The following ZFPM1 variants were observed in gnomAD, a reference collection of about 807,000 sequenced individuals.
ZFPM1 encodes zinc finger protein ZFPM1.
ZFPM1 carries 28 observed loss-of-function variants against 46.3 expected under a neutral mutation model. The ratio of observed to expected loss-of-function variants is 0.60; its 90% CI spans 0.45 to 0.83. The LOEUF is 0.83. Among genes scored for constraint, ZFPM1 ranks in the 40% least tolerant of loss-of-function variants. ZFPM1 has a pLI of 0.00. For missense variants in ZFPM1, 1,878 were observed against 1,432.4 expected (o/e 1.31, Z -5.02); for synonymous variants, 957 against 675.9 (o/e 1.42, Z -6.45).
chr16:88,527,575 G>A (rs1011531393), intron 5 of ZFPM1, among the ~76,000 whole-genome samples: 19 of 152,176 alleles, frequency 1.2e-4, no homozygotes, highest in African/African-American at 4.3e-4. Context: ...CAGCCCGGGC[G>A]CCCCAGGTGA....
Position 88,480,768 on chromosome 16 carries a change from C to T in ZFPM1, c.41-5171C>T, listed in dbSNP as rs996668590. Among the ~76,000 whole-genome samples, 5 of 152,214 alleles carry T rather than the reference C, an allele frequency of 3.3e-5. No homozygotes were observed. The highest frequency in any genetic ancestry group is 5.9e-5 in the Non-Finnish European group (4 of 68,034). On this transcript the variant is annotated intron_variant, in intron 1 of 9. Coordinates refer to ENST00000319555, the MANE Select transcript of ZFPM1 (RefSeq NM_153813.3). The surrounding 1 kb of genome is among the most constrained non-coding windows in gnomAD (Gnocchi z 4.9). ...GGGCCTCAGACTCCTCATCCACAGCCCCCATCTGCGCCCCACCTGGCATGT... is the reference window on the plus strand; with the variant it reads ...GGGCCTCAGACTCCTCATCCACAGCTCCCATCTGCGCCCCACCTGGCATGT...
chr16:88,501,917 G>T (rs1910366203), intron 3 of ZFPM1, among the ~76,000 whole-genome samples: 1 of 152,108 alleles, frequency 6.6e-6, no homozygotes, highest in African/African-American at 2.4e-5. Context: ...AGCAAACTGA[G>T]GCCCAGTGAG....
chr16:88,526,116 C>T (rs1351554262), intron 4 of ZFPM1, among the ~76,000 whole-genome samples: 1 of 152,220 alleles, frequency 6.6e-6, no homozygotes, highest in East Asian at 1.9e-4. Flanking sequence ...CAGGAAGGGG[C>T]CTGACCAGCC....
chr16:88,489,805 C>T (rs1909456026), intron 3 of ZFPM1, among the ~76,000 whole-genome samples: 1 of 152,208 alleles, frequency 6.6e-6, no homozygotes, highest in Non-Finnish European at 1.5e-5. Flanking sequence ...TTTATGAACG[C>T]AGGAAATACT....
At chr16:88,493,302 G>A (rs1220512563) in intron 3 of ZFPM1, among the ~76,000 whole-genome samples, 5 of 145,938 alleles carry the variant, frequency 3.4e-5, no homozygotes, top group African/African-American at 5.1e-5. Flanking sequence ...CCGGGGTGGA[G>A]AAAGCTGTCC....
intron 4 of ZFPM1, among the ~76,000 whole-genome samples, chr16:88,523,588 G>T (rs1215684631): frequency 1.3e-5 from 2 of 152,242 alleles, no homozygotes; most frequent in Non-Finnish European, 2.9e-5. Context: ...AGGCGAGGCT[G>T]TGCTCACCTG....
At chr16:88,500,076 G>C (rs1401991646) in intron 3 of ZFPM1, among the ~76,000 whole-genome samples, 3 of 152,204 alleles carry the variant, frequency 2.0e-5, no homozygotes, top group Admixed American at 2.0e-4. Flanking sequence ...GGCCGCAGGC[G>C]CTAATCAAGC....
chr16:88,467,586 A>C (rs1251750028), intron 1 of ZFPM1, among the ~76,000 whole-genome samples: 1 of 152,224 alleles, frequency 6.6e-6, no homozygotes, highest in Non-Finnish European at 1.5e-5. Flanking sequence ...TGCAGGGCAC[A>C]TGCGCAGCTG....
chr16:88,501,113 G>C (rs573840577), intron 3 of ZFPM1, among the ~76,000 whole-genome samples: 1 of 143,102 alleles, frequency 7.0e-6, no homozygotes, highest in South Asian at 2.1e-4. Flanking sequence ...TGATGATGGA[G>C]ATAGCAGACA....
rs377486286 is a variant in ZFPM1, at chr16:88,468,718, CA to C, written c.40+15041del. 5.4e-3 allele frequency among the ~76,000 whole-genome samples: 815 copies of C among 152,212 alleles called. 9 individuals are homozygous for C. The highest frequency in any genetic ancestry group is 0.018 in the African/African-American group (768 of 41,520). ...AGCCCCACCCCCATGGCCAGGGCAC[CA>C]CTGTCCTAACCAGCCTGTTGGCAGC... On this transcript the variant is annotated intron_variant, in intron 1 of 9. Transcript: ENST00000319555.
At chr16:88,488,089 G>C (rs1294025735) in intron 2 of ZFPM1, among the ~76,000 whole-genome samples, 1 of 152,184 alleles carries the variant, frequency 6.6e-6, no homozygotes, top group Non-Finnish European at 1.5e-5. Context: ...TGGGGGGAGA[G>C]AGCACGTGTA....
chr16:88,499,815 G>A (rs986242872), intron 3 of ZFPM1, among the ~76,000 whole-genome samples: 1 of 152,204 alleles, frequency 6.6e-6, no homozygotes, highest in Non-Finnish European at 1.5e-5. Context: ...CCAGGGAAGG[G>A]CCCAGGCCCA....
chr16:88,536,365 G>C lies in ZFPM1; in HGVS notation c.*1386G>C, dbSNP rs560092819. 3.3e-5 allele frequency: 5 copies of C among 152,196 alleles called. No individual in the cohort carries two copies. Among genetic ancestry groups the C allele is most frequent in the African/African-American group, 1.2e-4 (5 of 41,494 alleles). 9.4% of individuals were successfully genotyped at this position (152,196 alleles called of 1,614,324 possible). The stretch of plus-strand genomic sequence containing the variant: ...TTTTAAAACATTTTTATAGAGACAG[G>C]GTCTTCCTGTGTTGCCCAAGATGGT... On this transcript the variant is annotated 3_prime_UTR_variant, in exon 10 of 10. Coordinates refer to ENST00000319555, the MANE Select transcript of ZFPM1 (RefSeq NM_153813.3).
intron 3 of ZFPM1, among the ~76,000 whole-genome samples, chr16:88,509,904 G>A (rs560409165): frequency 3.3e-5 from 5 of 152,260 alleles, no homozygotes; most frequent in South Asian, 2.1e-4. Context: ...CGGTTCCTGC[G>A]CTGGGCACTG....
chr16:88,485,795 A>C, intron 1 of ZFPM1, 144 bp from the exon 2 acceptor site: 1 of 661,132 alleles, frequency 1.5e-6, no homozygotes, highest in Middle Eastern at 3.9e-4. Flanking sequence ...CTGTCCTTTG[A>C]CCTCAGGGTG....
intron 8 of ZFPM1, 39 bp from the exon 9 acceptor site, chr16:88,532,750 C>T (rs764228105): frequency 1.9e-6 from 3 of 1,612,626 alleles, no homozygotes; most frequent in Non-Finnish European, 2.5e-6. Flanking sequence ...GGTCCCGCCT[C>T]CCCGCCCTGG....
At chr16:88,518,913 T>C (rs1019084470) in intron 4 of ZFPM1, among the ~76,000 whole-genome samples, 7 of 140,044 alleles carry the variant, frequency 5.0e-5, no homozygotes, top group South Asian at 2.3e-4. Context: ...GAAGGATGGA[T>C]AGTGGGTAGA....
chr16:88,504,496 C>T (rs950919358), intron 3 of ZFPM1, among the ~76,000 whole-genome samples: 2 of 152,146 alleles, frequency 1.3e-5, no homozygotes, highest in African/African-American at 2.4e-5. Flanking sequence ...GGCCGCCAAT[C>T]TCCCAGCTTG....
At position 88,457,898 on chromosome 16, in the gene ZFPM1, G is replaced by A. The variant is rs569969983; in HGVS notation, c.40+4220G>A. Among the ~76,000 whole-genome samples, 44 of 152,258 alleles carry A rather than the reference G, an allele frequency of 2.9e-4. No individual in the cohort carries two copies. The Middle Eastern group carries it at 0.014, about 47-fold the overall frequency. On this transcript the variant is annotated intron_variant, in intron 1 of 9. Transcript: ENST00000319555. ...TCTGGCGGACCCCGGAGTCCACGCCGTCACCCAGCTCTGGGCCGATTGTGG... is the reference window on the plus strand; with the variant it reads ...TCTGGCGGACCCCGGAGTCCACGCCATCACCCAGCTCTGGGCCGATTGTGG...
Sources: allele counts gnomAD v4.1 joint callset (sites outside exome capture counted in the v4.1 genomes callset), GRCh38; gene constraint gnomAD v4.1.1; non-coding constraint Gnocchi (gnomAD v3.1); transcripts MANE v1.5; gene names NCBI Gene and HGNC (gene_info 2026-07-23, HGNC 2026-07-21).